The following RIMS1 variants were observed in gnomAD, a reference collection of about 807,000 sequenced individuals.
The protein encoded by RIMS1 is regulating synaptic membrane exocytosis protein 1.
Under a neutral mutation model 214.1 loss-of-function variants are expected in RIMS1, and 83 were observed. That is an observed-to-expected ratio of 0.39 (90% confidence interval 0.32 to 0.47). RIMS1 has a LOEUF of 0.47. RIMS1 is among the 20% of genes least tolerant of loss of function. The pLI is 0.99. For missense variants in RIMS1, 2,050 were observed against 2,161.8 expected (o/e 0.95, Z 1.03); for synonymous variants, 793 against 786.8 (o/e 1.01, Z -0.13).
chr6:72,218,265 G>T (rs554913639), intron 6 of RIMS1, among the ~76,000 whole-genome samples: 1 of 152,290 alleles, frequency 6.6e-6, no homozygotes, highest in South Asian at 2.1e-4. Flanking sequence ...CCTGGACGCA[G>T]AGAGGCACTG....
At chr6:72,144,481 A>C (rs1036907527) in intron 4 of RIMS1, among the ~76,000 whole-genome samples, 20 of 152,170 alleles carry the variant, frequency 1.3e-4, no homozygotes, top group African/African-American at 4.3e-4. Context: ...GACATTTATC[A>C]AAATGAAAGT....
At chr6:72,280,272 T>C (rs2089407099) in intron 23 of RIMS1, among the ~76,000 whole-genome samples, 1 of 151,990 alleles carries the variant, frequency 6.6e-6, no homozygotes, top group African/African-American at 2.4e-5. Context: ...TAAAGTGGTA[T>C]AAGGTAGAAA....
chr6:72,109,042 A>G (rs1367681109), intron 4 of RIMS1, among the ~76,000 whole-genome samples: 1 of 151,880 alleles, frequency 6.6e-6, no homozygotes, highest in Non-Finnish European at 1.5e-5. Context: ...ATCATTTTTT[A>G]TGGCTGCATA....
chr6:72,094,203 A>G (rs9446563), intron 2 of RIMS1, among the ~76,000 whole-genome samples: 52,381 of 152,000 alleles, frequency 0.34, 10,240 homozygotes, highest in South Asian at 0.47. Flanking sequence ...TGGCTGCTAC[A>G]AAGGAAGTGT....
intron 4 of RIMS1, among the ~76,000 whole-genome samples, chr6:72,122,703 C>T (rs536796081): frequency 1.3e-4 from 19 of 151,776 alleles, no homozygotes; most frequent in East Asian, 1.2e-3. Flanking sequence ...GTTTAGCCTT[C>T]GGAAGGTGTA....
intron 29 of RIMS1, among the ~76,000 whole-genome samples, chr6:72,373,221 T>G (rs886889262): frequency 6.6e-6 from 1 of 152,208 alleles, no homozygotes; most frequent in African/African-American, 2.4e-5. Context: ...TAATTTGAAT[T>G]TCAGGGTTTT....
chr6:72,234,693 T>A (rs939464976), intron 7 of RIMS1, among the ~76,000 whole-genome samples: 9 of 152,120 alleles, frequency 5.9e-5, no homozygotes, highest in African/African-American at 1.9e-4. Context: ...TTCACTGATC[T>A]AAAAATCCCT....
Position 72,288,051 on chromosome 6 carries a change from G to A in RIMS1, c.3555-2628G>A, listed in dbSNP as rs2092692646. 3.3e-5 allele frequency among the ~76,000 whole-genome samples: 5 copies of A among 152,026 alleles called. No homozygotes were observed. In the South Asian group the frequency reaches 8.3e-4, roughly 25 times the overall value. ...TATGGTTTGTGTTAAAAGATTCATG[G>A]TACATCCTGAGATGTGAAATTACCA... On this transcript the variant is annotated intron_variant, in intron 24 of 33. Transcript: ENST00000521978.
At chr6:71,944,654 A>G (rs1376910880) in intron 1 of RIMS1, among the ~76,000 whole-genome samples, 2 of 152,200 alleles carry the variant, frequency 1.3e-5, no homozygotes, top group African/African-American at 4.8e-5. Flanking sequence ...GAGAATTTTT[A>G]TGAAAAACAG....
chr6:72,375,452 C>G (rs1387390000), intron 29 of RIMS1, among the ~76,000 whole-genome samples: 2 of 151,924 alleles, frequency 1.3e-5, no homozygotes, highest in Non-Finnish European at 2.9e-5. Flanking sequence ...TACATTTCCT[C>G]TAGAATAGGT....
intron 2 of RIMS1, among the ~76,000 whole-genome samples, chr6:72,090,489 G>A (rs865894442): frequency 1.3e-5 from 2 of 151,890 alleles, no homozygotes; most frequent in Middle Eastern, 3.4e-3. Context: ...GACACAAGAA[G>A]CCACGATGTA....
intron 1 of RIMS1, among the ~76,000 whole-genome samples, chr6:71,963,385 G>A (rs1207819331): frequency 1.3e-5 from 2 of 152,120 alleles, no homozygotes; most frequent in South Asian, 2.1e-4. Flanking sequence ...AGAAGAATAC[G>A]TGAGATATGC....
In RIMS1 at chr6:72,282,944, G is replaced by A. The variant is rs62407501; in HGVS notation, c.3483-1103G>A. 2.0e-3 allele frequency among the ~76,000 whole-genome samples: 305 copies of A among 152,112 alleles called. 1 individual carries two copies. The highest frequency in any genetic ancestry group is 3.9e-3 in the Admixed American group (59 of 15,248). ...AGAGAGTGTGAACACAATTTCTGGC[G>A]AAAGCGGAAGAGATTGGGAGAGATG... On this transcript the variant is annotated intron_variant, in intron 23 of 33. Transcript: ENST00000521978.
chr6:72,014,958 T>C (rs139503383), intron 2 of RIMS1, among the ~76,000 whole-genome samples: 156 of 152,330 alleles, frequency 1.0e-3, no homozygotes, highest in Non-Finnish European at 7.1e-4. Context: ...TTTATTATTG[T>C]ATTATATTGT....
At chr6:72,090,527 A>C in intron 2 of RIMS1, among the ~76,000 whole-genome samples, 1 of 152,042 alleles carries the variant, frequency 6.6e-6, no homozygotes, top group African/African-American at 2.4e-5. Flanking sequence ...AAAAATAGTG[A>C]CCCTTGAAAT....
intron 29 of RIMS1, among the ~76,000 whole-genome samples, chr6:72,368,018 G>C (rs894916657): frequency 3.3e-5 from 5 of 151,978 alleles, no homozygotes; most frequent in Non-Finnish European, 5.9e-5. Context: ...ACTTAGGATG[G>C]CTTTAATACA....
intron 6 of RIMS1, among the ~76,000 whole-genome samples, chr6:72,225,468 C>G (rs1389779260): frequency 6.6e-6 from 1 of 152,070 alleles, no homozygotes; most frequent in Non-Finnish European, 1.5e-5. Context: ...TGCTGTTTTG[C>G]TAGTATTGCC....
intron 2 of RIMS1, among the ~76,000 whole-genome samples, chr6:71,999,360 A>G (rs1584516613): frequency 1.3e-5 from 2 of 152,272 alleles, no homozygotes; most frequent in African/African-American, 2.4e-5. Flanking sequence ...TGAGAATGCT[A>G]CTAGTGTTAT....
rs1187595687 is a variant in RIMS1 at position 72,179,690 on chromosome 6, C to T, written c.587C>T (p.Thr196Ile). The stretch of plus-strand genomic sequence containing the variant: ...AGTCAGGATGGAACCCTGAGTGATA[C>T]AGCTACAGGTGCTGGCTCTGAGGTA... ...QTSQDGTLSD[T>I]ATGAGSEVPR... The change falls in exon 5 of 34, where the codon ACA becomes ATA. Residue 196 changes from threonine to isoleucine, a missense_variant. Physicochemically the swap from Thr to Ile is moderately conservative, Grantham distance 89. Coordinates refer to ENST00000521978, the MANE Select transcript of RIMS1 (RefSeq NM_014989.7). The T allele has an allele frequency of 3.1e-6, 5 of 1,613,924 alleles. No individual in the cohort carries two copies. In the South Asian group the frequency reaches 5.5e-5, roughly 18 times the overall value.
Sources: allele counts gnomAD v4.1 joint callset (sites outside exome capture counted in the v4.1 genomes callset), GRCh38; gene constraint gnomAD v4.1.1; transcripts MANE v1.5; gene names NCBI Gene and HGNC (gene_info 2026-07-23, HGNC 2026-07-21).